Variants in SLCO3A1 observed in about 807,000 individuals in gnomAD.
SLCO3A1 encodes solute carrier organic anion transporter family member 3A1, also known as PGE1 transporter.
Under a neutral mutation model 63.1 loss-of-function variants are expected in SLCO3A1, and 27 were observed. That is an observed-to-expected ratio of 0.43 (90% CI 0.32 to 0.59). The LOEUF (loss-of-function observed/expected upper bound fraction) is 0.59. Ranked by LOEUF, SLCO3A1 falls within the 20% of genes least tolerant of loss-of-function variation. The pLI is 0.09. For synonymous variants in SLCO3A1, 473 were observed against 409.9 expected (o/e 1.15, Z -1.86); for missense variants, 773 against 945.8 (o/e 0.82, Z 2.40).
At chr15:91,913,345 T>C (rs1898543978) in intron 1 of SLCO3A1, among the ~76,000 whole-genome samples, 1 of 152,254 alleles carries the variant, frequency 6.6e-6, no homozygotes, top group Admixed American at 6.5e-5. Flanking sequence ...ATGGGTGTCA[T>C]GGCCTTAGCC....
intron 7 of SLCO3A1, among the ~76,000 whole-genome samples, chr15:92,142,400 A>G (rs1162240063): frequency 6.6e-6 from 1 of 152,138 alleles, no homozygotes; most frequent in Non-Finnish European, 1.5e-5. Flanking sequence ...CTTCCTTTTC[A>G]TAGATGGCAC....
At chr15:91,980,006 A>G (rs1439239561) in intron 2 of SLCO3A1, among the ~76,000 whole-genome samples, 1 of 152,244 alleles carries the variant, frequency 6.6e-6, no homozygotes, top group African/African-American at 2.4e-5. Context: ...AAATGAATCT[A>G]GAGCTTCACC....
At chr15:92,136,965 TGTC>T (rs1192159898) in intron 7 of SLCO3A1, among the ~76,000 whole-genome samples, 3 of 112,372 alleles carry the variant, frequency 2.7e-5, no homozygotes, top group Admixed American at 9.0e-5. Flanking sequence ...CCAAGTAGTC[TGTC>T]TTTTTTTTTT....
chr15:91,914,680 C>A (rs1898596649), intron 1 of SLCO3A1, among the ~76,000 whole-genome samples: 1 of 151,568 alleles, frequency 6.6e-6, no homozygotes, highest in Non-Finnish European at 1.5e-5. Context: ...AGCAATTCTC[C>A]TGCCTCAGCC....
chr15:92,125,960 T>C, intron 5 of SLCO3A1, 101 bp from the exon 6 acceptor site: 1 of 957,754 alleles, frequency 1.0e-6, no homozygotes, highest in Admixed American at 2.0e-5. Context: ...AGTGGGGTCA[T>C]AGGGCATTCA....
rs1900722304 is a variant in SLCO3A1, at chr15:91,968,044, C to T, written c.646+51586C>T. Reference sequence around the variant, plus strand: ...GCCTTACTTGTTCAGATGCTTCCATCCTGAACATTTTCTAGAGTCCCCTGC... The same window carrying T: ...GCCTTACTTGTTCAGATGCTTCCATTCTGAACATTTTCTAGAGTCCCCTGC... On this transcript the variant is annotated intron_variant, in intron 2 of 9. Coordinates refer to ENST00000318445, the MANE Select transcript of SLCO3A1 (RefSeq NM_013272.4). This position sits in a 1 kb window ranked among gnomAD's most constrained non-coding sequence, Gnocchi z 4.2. Among the ~76,000 whole-genome samples, 1 of 152,132 alleles carries T rather than the reference C, an allele frequency of 6.6e-6. No individual in the cohort carries two copies. The highest frequency in any genetic ancestry group is 2.1e-4 in the South Asian group (1 of 4,830).
In SLCO3A1 at chr15:92,033,572, C is replaced by T. The variant is rs139127430; in HGVS notation, c.647-61309C>T. On this transcript the variant is annotated intron_variant, in intron 2 of 9. Transcript: ENST00000318445. This position sits in a 1 kb window ranked among gnomAD's most constrained non-coding sequence, Gnocchi z 4.5. ...CATGTGTTCGTTCAGCCCGAGCTTC[C>T]ACAGCACACCACATGCTAGCTTAAG... Among the ~76,000 whole-genome samples the T allele has an allele frequency of 1.7e-3, 255 of 152,302 alleles. No homozygotes were observed. The highest frequency in any genetic ancestry group is 5.5e-3 in the African/African-American group (227 of 41,566).
At chr15:92,069,330 G>T (rs1414283983) in intron 2 of SLCO3A1, among the ~76,000 whole-genome samples, 1 of 152,148 alleles carries the variant, frequency 6.6e-6, no homozygotes, top group African/African-American at 2.4e-5. Flanking sequence ...AATCCAGATA[G>T]ATACGCAGAT....
Position 92,163,018 on chromosome 15 carries a change from T to A in SLCO3A1, c.2016T>A (p.Thr672=). The change falls in exon 10 of 10, where the codon ACT becomes ACA. Residue 672 remains threonine, a synonymous_variant. Transcript: ENST00000318445. ...GCACCAGTGAGTTCTTTGCCTCTAC[T>A]CTGACCCTAGACAACCTGGGGAGGG... is the stretch of plus-strand genomic sequence containing the variant. ...GLSTSEFFAS[T]LTLDNLGRDP... 6.2e-7 allele frequency: 1 copy of A among 1,609,802 alleles called. No individual in the cohort carries two copies. Among genetic ancestry groups the A allele is most frequent in the Non-Finnish European group, 8.5e-7 (1 of 1,177,530 alleles).
At chr15:91,855,396 C>T (rs1430588422) in intron 1 of SLCO3A1, among the ~76,000 whole-genome samples, 1 of 152,134 alleles carries the variant, frequency 6.6e-6, no homozygotes, top group Non-Finnish European at 1.5e-5. Context: ...AGCTCTGTTC[C>T]TGGGGTGACA....
rs1047333942 is a variant in SLCO3A1, at chr15:91,863,595, G to A, written c.180+9507G>A. The stretch of plus-strand genomic sequence containing the variant: ...ATCCTCTTCTTGAAGCTATACATGC[G>A]TGGGGTGCACAGCACACCACACGGT... On this transcript the variant is annotated intron_variant, in intron 1 of 9. Coordinates refer to ENST00000318445, the MANE Select transcript of SLCO3A1 (RefSeq NM_013272.4). The surrounding 1 kb of genome is among the most constrained non-coding windows in gnomAD (Gnocchi z 4.3). Among the ~76,000 whole-genome samples the A allele has an allele frequency of 3.9e-5, 6 of 152,068 alleles. No homozygotes were observed. The highest frequency in any genetic ancestry group is 3.9e-4 in the East Asian group (2 of 5,114).
chr15:92,104,580 G>A lies in SLCO3A1; in HGVS notation c.1009+38G>A. Reference sequence around the variant, plus strand: ...TCATCTGCCTCTGCTCAGAACAGTAGGGGGATTGGGATGGGGGTGATGAAT... The same window carrying A: ...TCATCTGCCTCTGCTCAGAACAGTAAGGGGATTGGGATGGGGGTGATGAAT... On this transcript the variant is annotated intron_variant, in intron 4 of 9. Transcript: ENST00000318445. 2.5e-6 allele frequency: 4 copies of A among 1,593,888 alleles called. No individual in the cohort carries two copies. The South Asian group carries it at 3.3e-5, about 13-fold the overall frequency.
rs1899953839 is a variant in SLCO3A1 at position 91,950,240 on chromosome 15, G to A, written c.646+33782G>A. The stretch of plus-strand genomic sequence containing the variant: ...GTCTGCATGCTCAGGGCTGCCTGCT[G>A]TGGCCAGAGATTCGGGTGTGTGTAT... On this transcript the variant is annotated intron_variant, in intron 2 of 9. Transcript: ENST00000318445. The surrounding 1 kb of genome is among the most constrained non-coding windows in gnomAD (Gnocchi z 4.4). 6.6e-6 allele frequency among the ~76,000 whole-genome samples: 1 copy of A among 152,238 alleles called. No individual in the cohort carries two copies. The highest frequency in any genetic ancestry group is 1.5e-5 in the Non-Finnish European group (1 of 68,044).
chr15:91,903,257 C>T (rs978207366), intron 1 of SLCO3A1, among the ~76,000 whole-genome samples: 15 of 152,182 alleles, frequency 9.9e-5, no homozygotes, highest in East Asian at 5.8e-4. Context: ...CCTGGTGCCT[C>T]GTTGAGGCCA....
chr15:91,911,029 T>C (rs538610030), intron 1 of SLCO3A1, among the ~76,000 whole-genome samples: 1 of 152,188 alleles, frequency 6.6e-6, no homozygotes, highest in Non-Finnish European at 1.5e-5. Context: ...CTTTTGAAGG[T>C]GAGGATGGGC....
intron 7 of SLCO3A1, among the ~76,000 whole-genome samples, chr15:92,142,136 G>C (rs2238357): frequency 0.32 from 48,739 of 152,114 alleles, 7,942 homozygotes; most frequent in East Asian, 0.43. Flanking sequence ...TCCATTTCCA[G>C]CTTTTCCTCT....
At chr15:91,921,923 C>A (rs185591189) in intron 2 of SLCO3A1, among the ~76,000 whole-genome samples, 1 of 151,764 alleles carries the variant, frequency 6.6e-6, no homozygotes, top group Non-Finnish European at 1.5e-5. Flanking sequence ...TTAGTAAAGA[C>A]AGGGTTTCGT....
intron 9 of SLCO3A1, among the ~76,000 whole-genome samples, chr15:92,159,051 A>C (rs541796183): frequency 6.6e-6 from 1 of 152,308 alleles, no homozygotes; most frequent in African/African-American, 2.4e-5. Context: ...ACCCTTGGCG[A>C]AACACTCACA....
rs535576683 is a variant in SLCO3A1 at position 91,976,386 on chromosome 15, TA to T, written c.646+59929del. ...TTTCTACTTTTAAATGTAGCTACTT[TA>T]TTTTTTTTAACATAGTAGAAAATGT... On this transcript the variant is annotated intron_variant, in intron 2 of 9. Coordinates refer to ENST00000318445, the MANE Select transcript of SLCO3A1 (RefSeq NM_013272.4). 1.9e-3 allele frequency among the ~76,000 whole-genome samples: 294 copies of T among 152,362 alleles called. 1 individual carries two copies. The highest frequency in any genetic ancestry group is 6.8e-3 in the Middle Eastern group (2 of 294).
Sources: allele counts gnomAD v4.1 joint callset (sites outside exome capture counted in the v4.1 genomes callset), GRCh38; gene constraint gnomAD v4.1.1; non-coding constraint Gnocchi (gnomAD v3.1); transcripts MANE v1.5; gene names NCBI Gene and HGNC (gene_info 2026-07-23, HGNC 2026-07-21).